INTS11: variants seen among roughly 807,000 people sequenced by gnomAD.
The protein encoded by INTS11 is integrator complex subunit 11.
Under a neutral mutation model 78.6 loss-of-function variants are expected in INTS11, and 77 were observed. The ratio of observed to expected loss-of-function variants is 0.98; its 90% confidence interval spans 0.81 to 1.18. INTS11 has a LOEUF of 1.18. INTS11 is among the 50% of genes most tolerant of loss of function. The pLI is 0.00. For synonymous variants in INTS11, 441 were observed against 326.9 expected (o/e 1.35, Z -3.77); for missense variants, 875 against 825.9 (o/e 1.06, Z -0.73).
chr1:1,312,278 C>A lies in INTS11; in HGVS notation c.1555G>T (p.Asp519Tyr). 1.9e-6 allele frequency: 3 copies of A among 1,548,866 alleles called. No individual in the cohort carries two copies. Among genetic ancestry groups the A allele is most frequent in the Non-Finnish European group, 2.6e-6 (3 of 1,146,636 alleles). Reference protein sequence around the residue: ...LRFTCRVHLHDTRKEQETALR... With the variant: ...LRFTCRVHLHYTRKEQETALR... ...GCCGTCTCCTGCTCCTTGCGTGTGTCATGCAGGTGCACGCGGCAGGTGAAG... is the reference window on the plus strand; with the variant it reads ...GCCGTCTCCTGCTCCTTGCGTGTGTAATGCAGGTGCACGCGGCAGGTGAAG... The change falls in exon 15 of 17, where the codon GAC (aspartate) becomes TAC (tyrosine). Residue 519 changes from aspartate to tyrosine, a missense_variant. By Grantham distance (160) the Asp-to-Tyr change is radical (BLOSUM62 -3). Coordinates refer to ENST00000435064, the MANE Select transcript of INTS11 (RefSeq NM_017871.6).
rs1170629459 is a variant in INTS11 at position 1,313,736 on chromosome 1, G to A, written c.953C>T (p.Pro318Leu). The A allele has an allele frequency of 1.3e-5, 21 of 1,611,510 alleles. No homozygotes were observed. The highest frequency in any genetic ancestry group is 3.3e-5 in the South Asian group (3 of 91,080). Residue 318 changes from proline (P) to leucine (L), a missense_variant, in exon 9 of 17, where the codon CCG becomes CTG. Coordinates refer to ENST00000435064, the MANE Select transcript of INTS11 (RefSeq NM_017871.6). ...FDRAFADNPG[P>L]MVVFATPGML... ...CGGCCCTGCCGCGGGCCTCACCATCGGTCCTGGGTTGTCAGCAAAAGCCCG... is the reference window on the plus strand; with the variant it reads ...CGGCCCTGCCGCGGGCCTCACCATCAGTCCTGGGTTGTCAGCAAAAGCCCG...
chr1:1,322,382 T>C (rs1488440717), intron 1 of INTS11, among the ~76,000 whole-genome samples: 3 of 149,810 alleles, frequency 2.0e-5, no homozygotes, highest in African/African-American at 7.4e-5. Flanking sequence ...GAGATATCCC[T>C]GTCAGCAAGG....
chr1:1,314,789 C>T lies in INTS11; in HGVS notation c.702+35G>A, dbSNP rs1237383009. On this transcript the variant is annotated intron_variant, in intron 7 of 16. Transcript: ENST00000435064. This position sits in a 1 kb window ranked among gnomAD's most constrained non-coding sequence, Gnocchi z 4.2. Reference sequence around the variant, plus strand: ...TGCCAGAAAGACCAGCCCAGCATGGCCGAGGGCCCATGTCCCCACCCCTGC... The same window carrying T: ...TGCCAGAAAGACCAGCCCAGCATGGTCGAGGGCCCATGTCCCCACCCCTGC... The T allele has an allele frequency of 1.9e-6, 3 of 1,594,166 alleles. No homozygotes were observed. The highest frequency in any genetic ancestry group is 2.6e-6 in the Non-Finnish European group (3 of 1,166,102).
intron 4 of INTS11, chr1:1,318,756 G>A (rs4970432): frequency 0.85 from 440,911 of 518,978 alleles, 193,984 homozygotes; most frequent in Non-Finnish European, 0.93. Context: ...ACCTAATATA[G>A]TTTCAAGAAA....
chr1:1,321,898 T>TAACCCCCCCC, intron 1 of INTS11: 1 of 1,141,990 alleles, frequency 8.8e-7, no homozygotes, highest in Non-Finnish European at 1.2e-6. Flanking sequence ...TCCCCTTGAA[T>TAACCCCCCCC]CCCACCCACC....
At chr1:1,323,196 A>T in intron 1 of INTS11, 1 of 1,550,210 alleles carries the variant, frequency 6.5e-7, no homozygotes, top group Non-Finnish European at 8.7e-7. Flanking sequence ...GGGGGAGGAC[A>T]TGGAATCCCG....
At chr1:1,315,282 G>T (rs1642509491) in intron 6 of INTS11, 122 bp downstream of exon 6, 2 of 1,242,346 alleles carry the variant, frequency 1.6e-6, no homozygotes, top group Non-Finnish European at 2.3e-6. Context: ...GGGCTCTCCA[G>T]GCCGCACAGG....
At chr1:1,322,389 A>G (rs542913648) in intron 1 of INTS11, among the ~76,000 whole-genome samples, 32 of 150,354 alleles carry the variant, frequency 2.1e-4, no homozygotes, top group Admixed American at 1.9e-3. Flanking sequence ...CCCTGTCAGC[A>G]AGGAGACAGA....
chr1:1,323,121 G>A, intron 1 of INTS11: 2 of 1,544,988 alleles, frequency 1.3e-6, no homozygotes, highest in Non-Finnish European at 1.7e-6. Context: ...CACAGGCCAG[G>A]GGTGTTCACA....
intron 10 of INTS11, 117 bp from the exon 11 acceptor site, chr1:1,313,241 G>A (rs541205411): frequency 2.1e-5 from 26 of 1,214,866 alleles, no homozygotes; most frequent in East Asian, 5.1e-5. Context: ...AGCGGCGCCC[G>A]ACCAAGCCTA....
chr1:1,315,215 G>T, intron 6 of INTS11, 189 bp downstream of exon 6: 1 of 755,986 alleles, frequency 1.3e-6, no homozygotes, highest in Non-Finnish European at 2.2e-6. Context: ...AGAGAAGGAG[G>T]GACAGAGGCC....
In INTS11 at chr1:1,312,989, G is replaced by A. The variant is rs1343592739; in HGVS notation, c.1132-40C>T. The A allele has an allele frequency of 7.4e-6, 12 of 1,611,962 alleles. 1 individual carries two copies. In the East Asian group the frequency reaches 2.5e-4, roughly 33 times the overall value. The stretch of plus-strand genomic sequence containing the variant: ...GGGCGTGGACAGTGGTTACCACCAG[G>A]AGGTGCCCCTCGGCCCTGCCAGCCC... On this transcript the variant is annotated intron_variant, in intron 11 of 16. Transcript: ENST00000435064.
At chr1:1,315,894 TCA>T (rs1642575190) in intron 4 of INTS11, among the ~76,000 whole-genome samples, 1 of 151,934 alleles carries the variant, frequency 6.6e-6, no homozygotes, top group South Asian at 2.1e-4. Context: ...TCCCTGTTGC[TCA>T]CACACAGCAT....
rs774338835 is a variant in INTS11 at position 1,313,005 on chromosome 1, C to A, written c.1131+30G>T. On this transcript the variant is annotated intron_variant, in intron 11 of 16. Coordinates refer to ENST00000435064, the MANE Select transcript of INTS11 (RefSeq NM_017871.6). ...TACCACCAGGAGGTGCCCCTCGGCCCTGCCAGCCCAGTGCGGGGTCGAGAC... is the reference window on the plus strand; with the variant it reads ...TACCACCAGGAGGTGCCCCTCGGCCATGCCAGCCCAGTGCGGGGTCGAGAC... 6 of 1,611,736 alleles carry A rather than the reference C, an allele frequency of 3.7e-6. No individual in the cohort carries two copies. The East Asian group carries it at 1.1e-4, about 30-fold the overall frequency.
chr1:1,317,529 C>A (rs1431036142), intron 4 of INTS11: 10 of 850,798 alleles, frequency 1.2e-5, no homozygotes, highest in Non-Finnish European at 1.3e-5. Context: ...AAACAGATGA[C>A]GGAGTTTCAA....
At position 1,312,161 on chromosome 1, in the gene INTS11, C is replaced by G; in HGVS notation, c.1608-14G>C. On this transcript the variant is annotated splice_polypyrimidine_tract_variant and intron_variant, in intron 15 of 16. Transcript: ENST00000435064. Reference sequence around the variant, plus strand: ...TCCTTCAGGACGCTGTGGGGAGGCTCGGTGAGACCCTGCCTGGCCTCCAGG... The same window carrying G: ...TCCTTCAGGACGCTGTGGGGAGGCTGGGTGAGACCCTGCCTGGCCTCCAGG... The G allele has an allele frequency of 2.7e-6, 4 of 1,496,552 alleles. No homozygotes were observed. The highest frequency in any genetic ancestry group is 1.7e-5 in the African/African-American group (1 of 57,606). 92.7% of individuals were successfully genotyped at this position (1,496,552 alleles called of 1,614,324 possible).
At chr1:1,320,308 AG>A in intron 3 of INTS11, 147 bp downstream of exon 3, 1 of 720,282 alleles carries the variant, frequency 1.4e-6, no homozygotes. Context: ...CCAGTAAGGC[AG>A]GCAGGGAGCA....
chr1:1,319,497 T>G lies in INTS11; in HGVS notation c.228A>C (p.Ala76=), dbSNP rs1642819943. 1 of 1,591,388 alleles carries G rather than the reference T, an allele frequency of 6.3e-7. No individual in the cohort carries two copies. The highest frequency in any genetic ancestry group is 2.2e-5 in the East Asian group (1 of 44,606). The change falls in exon 4 of 17, where the codon GCA becomes GCC. Residue 76 remains alanine (A), a synonymous_variant. Transcript: ENST00000435064. The part of the protein sequence containing the change: ...ISHFHLDHCG[A]LPYFSEMVGY... ...CCACCATCTCGCTGAAGTAGGGGAG[T>G]GCCCCGCAGTGGTCCAGGTGGAAGT...
intron 4 of INTS11, chr1:1,316,153 G>A (rs1005936293): frequency 5.7e-5 from 11 of 192,224 alleles, no homozygotes; most frequent in South Asian, 2.0e-4. Context: ...GTGGAAGTGC[G>A]TGCCTGTAAT....
Sources: gnomAD v4.1 joint callset for allele counts (sites outside exome capture counted in the v4.1 genomes callset) on GRCh38, gnomAD v4.1.1 for gene constraint, Gnocchi (gnomAD v3.1) non-coding constraint, MANE v1.5 for transcripts, NCBI Gene and HGNC (gene_info 2026-07-23, HGNC 2026-07-21) for gene names.